The following MFN1 variants were observed in gnomAD, a reference collection of about 807,000 sequenced individuals.
The protein encoded by MFN1 is mitofusin-1.
MFN1 carries 65 observed loss-of-function variants against 92.4 expected under a neutral mutation model. The observed-to-expected ratio is 0.70, with a 90% CI of 0.58 to 0.86. MFN1 has a LOEUF of 0.86. Among genes scored for constraint, MFN1 ranks in the 40% least tolerant of loss-of-function variants. The pLI is 0.00. For synonymous variants in MFN1, 297 were observed against 300.9 expected (o/e 0.99, Z 0.13); for missense variants, 781 against 868.0 (o/e 0.90, Z 1.26).
chr3:179,349,278 AG>A (rs967518242), intron 2 of MFN1, among the ~76,000 whole-genome samples: 23 of 152,328 alleles, frequency 1.5e-4, no homozygotes, highest in African/African-American at 5.3e-4. Context: ...ACGAAGTCAA[AG>A]AAAAGTTAAA....
intron 5 of MFN1, 133 bp from the exon 6 acceptor site, chr3:179,364,164 C>T: frequency 7.1e-6 from 4 of 566,368 alleles, no homozygotes; most frequent in African/African-American, 1.9e-5. Flanking sequence ...TTAAAATTTC[C>T]TAGACTTCTT....
chr3:179,374,461 G>A (rs563590459), intron 9 of MFN1, among the ~76,000 whole-genome samples: 27 of 147,146 alleles, frequency 1.8e-4, no homozygotes, highest in African/African-American at 6.5e-4. Context: ...AATGTGAAAT[G>A]TATCCATTGA....
intron 14 of MFN1, among the ~76,000 whole-genome samples, 171 bp from the exon 15 acceptor site, chr3:179,385,398 G>T (rs1713640161): frequency 6.6e-6 from 1 of 151,832 alleles, no homozygotes; most frequent in Admixed American, 6.6e-5. Flanking sequence ...GGTCCATATT[G>T]TAGATAAGAA....
intron 16 of MFN1, among the ~76,000 whole-genome samples, chr3:179,387,565 C>A (rs1713733638): frequency 6.8e-6 from 1 of 146,380 alleles, no homozygotes; most frequent in South Asian, 2.1e-4. Context: ...AATAATTGCC[C>A]TTAAGATATT....
At chr3:179,376,925 T>TG (rs927327337) in intron 10 of MFN1, 117 bp from the exon 11 acceptor site, 1 of 819,478 alleles carries the variant, frequency 1.2e-6, no homozygotes, top group African/African-American at 1.8e-5. Flanking sequence ...ATGTTACAAG[T>TG]TTTTTTTTTC....
intron 3 of MFN1, among the ~76,000 whole-genome samples, chr3:179,352,753 AT>A (rs35323423): frequency 0.19 from 28,272 of 150,318 alleles, 3,226 homozygotes; most frequent in Admixed American, 0.25. Context: ...TAAACTCAGC[AT>A]TTTTTTTTTC....
rs1560187853 is a variant in MFN1, at chr3:179,348,968, G to A, written c.112+5G>A. 1 of 1,576,718 alleles carries A rather than the reference G, an allele frequency of 6.3e-7. No homozygotes were observed. The highest frequency in any genetic ancestry group is 1.1e-5 in the South Asian group (1 of 88,288). On this transcript the variant is annotated splice_donor_5th_base_variant and intron_variant, in intron 2 of 17. Coordinates refer to ENST00000471841, the MANE Select transcript of MFN1 (RefSeq NM_033540.3). ...AAGGATCACATTTTGTTGAAGGTTAGTTCTTCTTAAGTTTTTAAAGTAATT... is the reference window on the plus strand; with the variant it reads ...AAGGATCACATTTTGTTGAAGGTTAATTCTTCTTAAGTTTTTAAAGTAATT...
chr3:179,378,480 T>C, intron 13 of MFN1, 37 bp downstream of exon 13: 1 of 1,552,268 alleles, frequency 6.4e-7, no homozygotes, highest in East Asian at 2.3e-5. Context: ...TCTGGTTTGT[T>C]TTTTCATTCA....
chr3:179,380,771 A>T (rs1713434831), intron 14 of MFN1, among the ~76,000 whole-genome samples: 1 of 152,208 alleles, frequency 6.6e-6, no homozygotes, highest in Admixed American at 6.5e-5. Context: ...TTAGAATGAA[A>T]GATGCCATAG....
rs1486913896 is a variant in MFN1, at chr3:179,392,123, T to A, written c.*64T>A. 1.4e-5 allele frequency: 15 copies of A among 1,067,806 alleles called. No individual in the cohort carries two copies. The highest frequency in any genetic ancestry group is 2.1e-5 in the Non-Finnish European group (15 of 706,048). 66.1% of individuals were successfully genotyped at this position (1,067,806 alleles called of 1,614,324 possible). A position where few individuals can be genotyped will look rare whatever the true frequency, so the allele number is the denominator to read the frequency against. Reference sequence around the variant, plus strand: ...GAAACTTGTAAGATTGGAACAGTTGTTATTTTTATGAAATTACTTTAAATA... The same window carrying A: ...GAAACTTGTAAGATTGGAACAGTTGATATTTTTATGAAATTACTTTAAATA... On this transcript the variant is annotated 3_prime_UTR_variant, in exon 18 of 18. Transcript: ENST00000471841.
intron 5 of MFN1, 54 bp from the exon 6 acceptor site, chr3:179,364,243 A>G (rs1712694032): frequency 8.0e-7 from 1 of 1,252,016 alleles, no homozygotes; most frequent in Non-Finnish European, 1.1e-6. Context: ...AAATTCTGTA[A>G]CCCAAATTTT....
At position 179,354,650 on chromosome 3, in the gene MFN1, A is replaced by G. The variant is rs867863816; in HGVS notation, c.248+2615A>G. Among the ~76,000 whole-genome samples the G allele has an allele frequency of 2.6e-5, 4 of 152,364 alleles. No individual in the cohort carries two copies. In the South Asian group the frequency reaches 8.3e-4, roughly 32 times the overall value. On this transcript the variant is annotated intron_variant, in intron 3 of 17. Coordinates refer to ENST00000471841, the MANE Select transcript of MFN1 (RefSeq NM_033540.3). ...TAAAGGAATAAAGAATGGCTGCTGC[A>G]TAGGCAGATCAGTCCCGAGAACTGC...
intron 9 of MFN1, 79 bp from the exon 10 acceptor site, chr3:179,375,141 C>T (rs755486504): frequency 5.0e-6 from 7 of 1,412,354 alleles, no homozygotes; most frequent in Non-Finnish European, 6.5e-6. Context: ...AAGTTACAAA[C>T]AGCAAGTTTT....
intron 14 of MFN1, among the ~76,000 whole-genome samples, chr3:179,383,496 A>G (rs1261926215): frequency 6.6e-6 from 1 of 152,200 alleles, no homozygotes; most frequent in African/African-American, 2.4e-5. Flanking sequence ...GTTTGAAGTC[A>G]GGTAGCGTGA....
In MFN1 at chr3:179,394,524, T is replaced by TC. The variant is rs1438883284; in HGVS notation, c.*2467dup. 6.8e-6 allele frequency: 1 copy of TC among 147,422 alleles called. No homozygotes were observed. Among genetic ancestry groups the TC allele is most frequent in the East Asian group, 2.1e-4 (1 of 4,878 alleles). 9.1% of individuals were successfully genotyped at this position (147,422 alleles called of 1,614,324 possible). A position where few individuals can be genotyped will look rare whatever the true frequency, so the allele number is the denominator to read the frequency against. On this transcript the variant is annotated 3_prime_UTR_variant, in exon 18 of 18. Transcript: ENST00000471841. ...TCCGCCTCCCGGGTTCACGCCATTC[T>TC]CCTGCCTCAGCCTCCCGAGTAGCTG...
intron 7 of MFN1, among the ~76,000 whole-genome samples, chr3:179,366,161 C>T (rs938055266): frequency 6.6e-6 from 1 of 152,132 alleles, no homozygotes; most frequent in African/African-American, 2.4e-5. Flanking sequence ...TACACATGCT[C>T]TGACACAGAA....
chr3:179,376,750 A>G (rs928097484), intron 10 of MFN1, among the ~76,000 whole-genome samples: 1 of 152,214 alleles, frequency 6.6e-6, no homozygotes, highest in Non-Finnish European at 1.5e-5. Flanking sequence ...CTTATTAACT[A>G]AAGTCAGTAT....
chr3:179,385,552 CTCT>C lies in MFN1; in HGVS notation c.1663-15_1663-13del, dbSNP rs1313811137. ...GTTTAAGTGTAATCTTTTTTCCTTT[CTCT>C]TTTTTTTTGGCAGCTCCCTAGATCT... On this transcript the variant is annotated splice_polypyrimidine_tract_variant and intron_variant, in intron 14 of 17. Coordinates refer to ENST00000471841, the MANE Select transcript of MFN1 (RefSeq NM_033540.3). The C allele has an allele frequency of 6.9e-7, 1 of 1,459,742 alleles. No homozygotes were observed. Among genetic ancestry groups the C allele is most frequent in the Non-Finnish European group, 8.9e-7 (1 of 1,127,810 alleles). The allele number at this position is 1,459,742 out of a possible 1,614,324, so 90.4% of individuals were successfully genotyped here.
At chr3:179,349,804 G>T (rs1231473378) in intron 2 of MFN1, among the ~76,000 whole-genome samples, 1 of 151,132 alleles carries the variant, frequency 6.6e-6, no homozygotes, top group Non-Finnish European at 1.5e-5. Flanking sequence ...ACCACACCCG[G>T]CCAGGAATCC....
Sources: gnomAD v4.1 joint callset for allele counts (sites outside exome capture counted in the v4.1 genomes callset) on GRCh38, gnomAD v4.1.1 for gene constraint, MANE v1.5 for transcripts, NCBI Gene and HGNC (gene_info 2026-07-23, HGNC 2026-07-21) for gene names.